Variants in SLC49A4 observed in about 807,000 individuals in gnomAD.
SLC49A4 encodes solute carrier family 49 member 4, also known as disrupted in renal cancer protein 2.
SLC49A4 carries 36 observed loss-of-function variants against 50.6 expected under a neutral mutation model. That is an observed-to-expected ratio of 0.71 (90% confidence interval 0.55 to 0.94). The LOEUF is 0.94. Ranked by LOEUF, SLC49A4 falls within the 40% of genes least tolerant of loss-of-function variation. The probability of loss-of-function intolerance (pLI) is 0.00; values close to 1 mark genes in which losing one functional copy is unlikely to be tolerated. For synonymous variants in SLC49A4, 248 were observed against 241.2 expected (o/e 1.03, Z -0.26); for missense variants, 503 against 605.7 (o/e 0.83, Z 1.78).
intron 2 of SLC49A4, among the ~76,000 whole-genome samples, chr3:122,820,790 C>T (rs1445578839): frequency 6.6e-6 from 1 of 152,230 alleles, no homozygotes; most frequent in African/African-American, 2.4e-5. Context: ...CTCTCCTATT[C>T]CTGCCACAGG....
intron 1 of SLC49A4, among the ~76,000 whole-genome samples, chr3:122,804,465 C>G (rs1179003382): frequency 6.6e-6 from 1 of 152,186 alleles, no homozygotes. Context: ...TAACTCCTTT[C>G]CCTTGATGAG....
chr3:122,807,827 T>C (rs1240121700), intron 2 of SLC49A4, among the ~76,000 whole-genome samples: 5 of 151,916 alleles, frequency 3.3e-5, no homozygotes, highest in African/African-American at 1.2e-4. Flanking sequence ...TTCTGAAGGG[T>C]CTTGATGCCA....
chr3:122,826,856 C>A lies in SLC49A4; in HGVS notation c.494C>A (p.Ala165Glu). 6.2e-7 allele frequency: 1 copy of A among 1,614,090 alleles called. No homozygotes were observed. The highest frequency in any genetic ancestry group is 8.5e-7 in the Non-Finnish European group (1 of 1,179,938). Residue 165 changes from alanine to glutamate, a missense_variant, in exon 3 of 9, where the codon GCA (alanine) becomes GAA (glutamate). Physicochemically the swap from Ala to Glu is moderately radical, Grantham distance 107. Transcript: ENST00000261038. ...TTGGCAGGTCCAACTGTAATGAATG[C>A]AGCACCATTTCTCTCTACGACGTGG... ...NGLAGPTVMN[A>E]APFLSTTWFS... is the part of the protein sequence containing the mutation.
intron 2 of SLC49A4, among the ~76,000 whole-genome samples, chr3:122,818,795 T>C (rs1352858291): frequency 6.6e-6 from 1 of 151,868 alleles, no homozygotes; most frequent in Non-Finnish European, 1.5e-5. Context: ...AATATAAAAA[T>C]TAGCCGGGCG....
intron 2 of SLC49A4, among the ~76,000 whole-genome samples, chr3:122,815,486 G>T (rs994044685): frequency 6.6e-6 from 1 of 152,206 alleles, no homozygotes; most frequent in Admixed American, 6.5e-5. Flanking sequence ...CAGCAGCAAT[G>T]TATGTAGTTA....
At chr3:122,811,715 T>C (rs1458143905) in intron 2 of SLC49A4, among the ~76,000 whole-genome samples, 3 of 152,194 alleles carry the variant, frequency 2.0e-5, no homozygotes, top group African/African-American at 7.2e-5. Flanking sequence ...TGGAATCATA[T>C]TGCACCATGA....
chr3:122,797,342 A>C (rs567671911), intron 1 of SLC49A4, among the ~76,000 whole-genome samples: 5 of 152,362 alleles, frequency 3.3e-5, no homozygotes, highest in African/African-American at 1.2e-4. Context: ...CATGATGTGT[A>C]AAATGAAGGG....
intron 2 of SLC49A4, among the ~76,000 whole-genome samples, chr3:122,817,418 C>T (rs1183477670): frequency 6.6e-6 from 1 of 152,064 alleles, no homozygotes; most frequent in Non-Finnish European, 1.5e-5. Flanking sequence ...GCCCTAGAGT[C>T]CCATGTTGGA....
chr3:122,865,959 T>A lies in SLC49A4; in HGVS notation c.1138+5757T>A, dbSNP rs1246164705. Reference sequence around the variant, plus strand: ...AAAAATCTGTTGTGTTATTTTATAATGCTACTTATTTCTTCATAAAACTGT... The same window carrying A: ...AAAAATCTGTTGTGTTATTTTATAAAGCTACTTATTTCTTCATAAAACTGT... On this transcript the variant is annotated intron_variant, in intron 7 of 8. Coordinates refer to ENST00000261038, the MANE Select transcript of SLC49A4 (RefSeq NM_032839.3). Among the ~76,000 whole-genome samples the A allele has an allele frequency of 3.9e-5, 6 of 152,226 alleles. No homozygotes were observed. The East Asian group carries it at 1.2e-3, about 29-fold the overall frequency.
chr3:122,840,428 A>T (rs1936755353), intron 4 of SLC49A4, among the ~76,000 whole-genome samples: 1 of 152,208 alleles, frequency 6.6e-6, no homozygotes, highest in South Asian at 2.1e-4. Context: ...TGGGATAAAA[A>T]TCTTTGAAAA....
intron 1 of SLC49A4, among the ~76,000 whole-genome samples, chr3:122,806,355 A>G (rs1371319771): frequency 6.6e-6 from 1 of 152,076 alleles, no homozygotes; most frequent in Non-Finnish European, 1.5e-5. Context: ...CCTATTTTCC[A>G]TTAAAGTTAG....
chr3:122,840,085 A>G (rs926278288), intron 4 of SLC49A4, among the ~76,000 whole-genome samples: 1 of 152,254 alleles, frequency 6.6e-6, no homozygotes, highest in Admixed American at 6.5e-5. Flanking sequence ...ATGCTTTTAC[A>G]TCAACTTGTA....
chr3:122,802,102 A>G (rs889291082), intron 1 of SLC49A4, among the ~76,000 whole-genome samples: 2 of 152,220 alleles, frequency 1.3e-5, no homozygotes, highest in Non-Finnish European at 2.9e-5. Context: ...ACTTCAGGCC[A>G]GGAGTTCAAG....
At chr3:122,858,085 T>A (rs1348559697) in intron 6 of SLC49A4, among the ~76,000 whole-genome samples, 1 of 152,232 alleles carries the variant, frequency 6.6e-6, no homozygotes, top group Non-Finnish European at 1.5e-5. Context: ...TTTTTTGGGA[T>A]TCCCTAGGAC....
intron 5 of SLC49A4, among the ~76,000 whole-genome samples, chr3:122,847,325 T>G (rs750482231): frequency 5.2e-4 from 79 of 151,378 alleles, no homozygotes; most frequent in Admixed American, 7.9e-4. Context: ...CTCTTTATTG[T>G]GTCATCCACA....
At chr3:122,822,982 T>C (rs967166446) in intron 2 of SLC49A4, among the ~76,000 whole-genome samples, 2 of 152,176 alleles carry the variant, frequency 1.3e-5, no homozygotes, top group Non-Finnish European at 2.9e-5. Context: ...CCCACTGTGT[T>C]GCCAGTACCA....
chr3:122,798,689 G>C (rs935363848), intron 1 of SLC49A4, among the ~76,000 whole-genome samples: 1 of 114,948 alleles, frequency 8.7e-6, no homozygotes, highest in African/African-American at 3.3e-5. Flanking sequence ...TGGTCACTCA[G>C]GCTGGAGTAC....
At chr3:122,833,467 T>A in intron 4 of SLC49A4, 21 bp downstream of exon 4, 3 of 1,603,546 alleles carry the variant, frequency 1.9e-6, no homozygotes, top group Non-Finnish European at 2.6e-6. Context: ...TGAGAGTCAC[T>A]GGATGGCTTT....
chr3:122,824,771 C>T (rs202241556), intron 2 of SLC49A4, among the ~76,000 whole-genome samples: 9 of 116,968 alleles, frequency 7.7e-5, no homozygotes, highest in East Asian at 3.0e-4. Context: ...CTTGCTCTGT[C>T]GCCCAGGCTG....
Sources: gnomAD v4.1 joint callset for allele counts (sites outside exome capture counted in the v4.1 genomes callset) on GRCh38, gnomAD v4.1.1 for gene constraint, MANE v1.5 for transcripts, NCBI Gene and HGNC (gene_info 2026-07-23, HGNC 2026-07-21) for gene names.